SLC36A1: variants seen among roughly 807,000 people sequenced by gnomAD.
SLC36A1 encodes proton-coupled amino acid transporter 1.
SLC36A1 carries 30 observed loss-of-function variants against 47.5 expected under a neutral mutation model. That is an observed-to-expected ratio of 0.63 (90% CI 0.47 to 0.86). The LOEUF is 0.86. Among genes scored for constraint, SLC36A1 ranks in the 40% least tolerant of loss-of-function variants. SLC36A1 has a pLI of 0.00. For synonymous variants in SLC36A1, 255 were observed against 249.7 expected, an observed-to-expected ratio of 1.02 and a Z score of -0.20; for missense variants, 517 against 606.0, an observed-to-expected ratio of 0.85 and a Z score of 1.54.
rs1756628712 is a variant in SLC36A1 at position 151,467,592 on chromosome 5, T to C, written c.505-115T>C. 5.9e-6 allele frequency: 5 copies of C among 844,748 alleles called. No individual in the cohort carries two copies. In the South Asian group the frequency reaches 7.9e-5, roughly 13 times the overall value. The allele number at this position is 844,748 out of a possible 1,614,324, so 52.3% of individuals were successfully genotyped here. On this transcript the variant is annotated intron_variant, in intron 6 of 10. Transcript: ENST00000243389. ...AAGATGGCTCACTGGCCACAGATTC[T>C]AAAAGGCCTTGTTCACACACCTGAG...
At chr5:151,528,303 T>A in the SLC36A1 span, among the ~76,000 whole-genome samples, 1 of 152,180 alleles carries the variant, frequency 6.6e-6, no homozygotes, top group African/African-American at 2.4e-5. Flanking sequence ...CGTGTGGACT[T>A]CAGCATGCCA....
the SLC36A1 span, among the ~76,000 whole-genome samples, chr5:151,363,762 G>A: frequency 2.0e-5 from 3 of 152,164 alleles, no homozygotes; most frequent in Admixed American, 2.0e-4. Flanking sequence ...GTGGCACTTT[G>A]TATGGATCCC....
chr5:151,428,860 T>C, the SLC36A1 span, among the ~76,000 whole-genome samples: 1 of 152,248 alleles, frequency 6.6e-6, no homozygotes, highest in Non-Finnish European at 1.5e-5. Flanking sequence ...CTCGAACTCC[T>C]GACTTCAGGT....
At chr5:151,449,555 GT>G (rs2127449310) in intron 1 of SLC36A1, among the ~76,000 whole-genome samples, 1 of 152,272 alleles carries the variant, frequency 6.6e-6, no homozygotes, top group East Asian at 1.9e-4. Flanking sequence ...GCCTCCTCTT[GT>G]GGCAGTTCGA....
chr5:151,542,955 G>A, the SLC36A1 span: 1 of 1,614,220 alleles, frequency 6.2e-7, no homozygotes, highest in Non-Finnish European at 8.5e-7. Context: ...GCACTAGACT[G>A]TAGATGACTG....
At chr5:151,377,846 T>C in the SLC36A1 span, among the ~76,000 whole-genome samples, 2 of 152,240 alleles carry the variant, frequency 1.3e-5, no homozygotes, top group African/African-American at 4.8e-5. Context: ...CCTGCTCACT[T>C]TTGGTTTCTG....
the SLC36A1 span, chr5:151,540,744 C>T: frequency 6.2e-7 from 1 of 1,614,010 alleles, no homozygotes; most frequent in Non-Finnish European, 8.5e-7. Context: ...TGATGCCAAA[C>T]TGGCCCAGGG....
chr5:151,519,799 T>A, the SLC36A1 span, among the ~76,000 whole-genome samples: 1 of 152,204 alleles, frequency 6.6e-6, no homozygotes, highest in Non-Finnish European at 1.5e-5. Flanking sequence ...TGGTGATCCA[T>A]GAGTTTATCT....
the SLC36A1 span, among the ~76,000 whole-genome samples, chr5:151,371,294 A>C: frequency 1.3e-5 from 2 of 152,172 alleles, no homozygotes; most frequent in Admixed American, 1.3e-4. Flanking sequence ...ATGTACTTTA[A>C]TTTTCTATAA....
At chr5:151,466,997 C>G (rs1450931026) in intron 5 of SLC36A1, among the ~76,000 whole-genome samples, 1 of 152,164 alleles carries the variant, frequency 6.6e-6, no homozygotes, top group Admixed American at 6.5e-5. Flanking sequence ...TAAAAAAACA[C>G]TTAATGGGCA....
At chr5:151,386,039 CT>C in the SLC36A1 span, among the ~76,000 whole-genome samples, 881 of 146,710 alleles carry the variant, frequency 6.0e-3, 10 homozygotes, top group African/African-American at 0.019. Flanking sequence ...GTCTCGCTAA[CT>C]TTTTTTTTTT....
At chr5:151,543,205 C>G in the SLC36A1 span, 1 of 1,614,206 alleles carries the variant, frequency 6.2e-7, no homozygotes, top group Non-Finnish European at 8.5e-7. Flanking sequence ...CTTGACCACA[C>G]CAGTGACTGG....
At chr5:151,395,908 C>T in the SLC36A1 span, among the ~76,000 whole-genome samples, 24 of 152,118 alleles carry the variant, frequency 1.6e-4, no homozygotes, top group Admixed American at 1.6e-3. Flanking sequence ...CTCCCGAGTT[C>T]AAGCAATTCT....
chr5:151,492,834 G>A (rs192120841), downstream of SLC36A1, among the ~76,000 whole-genome samples: 3 of 152,272 alleles, frequency 2.0e-5, no homozygotes, highest in South Asian at 2.1e-4. Context: ...CAGTATAAAG[G>A]CCTTTAGAAC....
the SLC36A1 span, chr5:151,534,685 T>A: frequency 1.9e-6 from 3 of 1,541,832 alleles, no homozygotes; most frequent in Non-Finnish European, 1.8e-6. Context: ...TCTGGGGAAA[T>A]ATTACCCAAG....
rs11322925 is a variant in SLC36A1, at chr5:151,438,399, TAA to T, written c.-6+1230_-6+1231del. 6.9e-4 allele frequency among the ~76,000 whole-genome samples: 102 copies of T among 147,728 alleles called. 1 individual carries two copies. Among genetic ancestry groups the T allele is most frequent in the Non-Finnish European group, 1.2e-3 (82 of 66,520 alleles). On this transcript the variant is annotated intron_variant, in intron 1 of 8. Transcript: ENST00000429484. ...GAACAGGCTGTTCTTAACTAGAGAT[TAA>T]AAAAAAAAACACCTCAGGTGCTCTA... is the stretch of plus-strand genomic sequence containing the variant.
upstream of SLC36A1, among the ~76,000 whole-genome samples, chr5:151,444,325 GTCT>G (rs1451594731): frequency 1.3e-5 from 2 of 151,956 alleles, no homozygotes; most frequent in Non-Finnish European, 1.5e-5. Context: ...ATTTATTTGT[GTCT>G]TCTTCAATTT....
the SLC36A1 span, among the ~76,000 whole-genome samples, chr5:151,416,380 C>T: frequency 1.0e-3 from 153 of 152,310 alleles, no homozygotes; most frequent in African/African-American, 3.5e-3. Context: ...TCACAAGTAA[C>T]AGAGCCAATA....
At chr5:151,556,000 C>T in the SLC36A1 span, among the ~76,000 whole-genome samples, 4 of 152,158 alleles carry the variant, frequency 2.6e-5, no homozygotes, top group Non-Finnish European at 1.5e-5. Flanking sequence ...TGCTACTGAC[C>T]TAGTGTTTGA....
Sources: gnomAD v4.1 joint callset for allele counts (sites outside exome capture counted in the v4.1 genomes callset) on GRCh38, gnomAD v4.1.1 for gene constraint, MANE v1.5 for transcripts, NCBI Gene and HGNC (gene_info 2026-07-23, HGNC 2026-07-21) for gene names.